NSG2: variants seen among roughly 807,000 people sequenced by gnomAD.
NSG2 encodes the protein neuronal vesicle trafficking associated 2, also known as neuronal vesicle trafficking-associated protein 2.
A neutral mutation model predicts 16.9 loss-of-function variants in NSG2; 4 were observed. The ratio of observed to expected loss-of-function variants is 0.24; its 90% CI spans 0.12 to 0.54. The LOEUF is 0.54. Ranked by LOEUF, NSG2 falls within the 20% of genes least tolerant of loss-of-function variation. The probability of loss-of-function intolerance (pLI) is 0.95; values close to 1 mark genes in which losing one functional copy is unlikely to be tolerated. For synonymous variants in NSG2, 98 were observed against 88.7 expected (o/e 1.11, Z -0.59); for missense variants, 179 against 221.1 (o/e 0.81, Z 1.21).
At chr5:174,060,066 G>A (rs927346719) in intron 2 of NSG2, among the ~76,000 whole-genome samples, 1 of 152,182 alleles carries the variant, frequency 6.6e-6, no homozygotes, top group African/African-American at 2.4e-5. Flanking sequence ...TGAGGCAGGG[G>A]TGGGTTCCCA....
In NSG2 at chr5:174,104,603, G is replaced by C. The variant is rs182187110; in HGVS notation, c.324+265G>C. On this transcript the variant is annotated intron_variant, in intron 4 of 4. Coordinates refer to ENST00000303177, the MANE Select transcript of NSG2 (RefSeq NM_015980.5). ...CGGCACATCAGCAATGAGGGAAGCA[G>C]CTCACTACCTCTTGACATGGACTGT... Among the ~76,000 whole-genome samples, 221 of 152,300 alleles carry C rather than the reference G, an allele frequency of 1.5e-3. 4 individuals carry two copies. Among genetic ancestry groups the C allele is most frequent in the Admixed American group, 0.014 (212 of 15,304 alleles).
chr5:174,051,243 C>T (rs751072202), intron 2 of NSG2, among the ~76,000 whole-genome samples: 16 of 152,178 alleles, frequency 1.1e-4, no homozygotes, highest in Non-Finnish European at 2.4e-4. Context: ...ACACCCAAGT[C>T]CCCCAGTCCT....
intron 3 of NSG2, 150 bp downstream of exon 3, chr5:174,064,465 C>T: frequency 2.0e-6 from 1 of 495,216 alleles, no homozygotes; most frequent in Non-Finnish European, 3.7e-6. Flanking sequence ...ACAGTCTGGC[C>T]ACTGAGTTTA....
chr5:174,056,343 C>T (rs957379028), intron 2 of NSG2: 19 of 152,188 alleles, frequency 1.2e-4, no homozygotes, highest in African/African-American at 4.6e-4. Context: ...GTGTTTGGCA[C>T]AGTGCCAGGC....
chr5:174,055,787 T>C (rs1295636088), intron 2 of NSG2, among the ~76,000 whole-genome samples: 1 of 152,164 alleles, frequency 6.6e-6, no homozygotes, highest in Non-Finnish European at 1.5e-5. Flanking sequence ...GAGACCTGCT[T>C]CCGACTCAGT....
intron 3 of NSG2, among the ~76,000 whole-genome samples, chr5:174,100,539 G>C (rs1760882186): frequency 6.6e-6 from 1 of 152,154 alleles, no homozygotes; most frequent in African/African-American, 2.4e-5. Context: ...GACAACCTAG[G>C]CATCAGCATT....
intron 3 of NSG2, among the ~76,000 whole-genome samples, chr5:174,089,728 G>C (rs1760692654): frequency 6.6e-6 from 1 of 152,092 alleles, no homozygotes; most frequent in African/African-American, 2.4e-5. Flanking sequence ...GATCCTCCCA[G>C]CTCAGCCTCC....
chr5:174,084,712 G>A (rs1760568211), intron 3 of NSG2, among the ~76,000 whole-genome samples: 1 of 152,260 alleles, frequency 6.6e-6, no homozygotes, highest in Non-Finnish European at 1.5e-5. Flanking sequence ...ACCCTCGGTT[G>A]TGAGGCCCCA....
intron 3 of NSG2, among the ~76,000 whole-genome samples, chr5:174,095,780 C>A: frequency 6.6e-6 from 1 of 152,172 alleles, no homozygotes; most frequent in East Asian, 1.9e-4. Flanking sequence ...TTACAATTCC[C>A]CTTTGACAGA....
chr5:174,084,828 G>C (rs1760573988), intron 3 of NSG2, among the ~76,000 whole-genome samples: 1 of 152,226 alleles, frequency 6.6e-6, no homozygotes, highest in South Asian at 2.1e-4. Context: ...AATTTCATTA[G>C]GTTCCAGGCT....
intron 2 of NSG2, among the ~76,000 whole-genome samples, chr5:174,063,528 ATTT>A (rs1206206458): frequency 7.7e-5 from 7 of 90,410 alleles, no homozygotes; most frequent in Non-Finnish European, 1.4e-4. Flanking sequence ...TTTCTATTTT[ATTT>A]TATTTTATTT....
At chr5:174,047,527 G>T (rs746849181) in intron 2 of NSG2, among the ~76,000 whole-genome samples, 11 of 152,210 alleles carry the variant, frequency 7.2e-5, no homozygotes, top group Non-Finnish European at 1.5e-4. Flanking sequence ...TTTTAAAGGT[G>T]AGTAAAAACC....
chr5:174,074,457 C>T lies in NSG2; in HGVS notation c.213+10142C>T, dbSNP rs148533380. On this transcript the variant is annotated intron_variant, in intron 3 of 4. Coordinates refer to ENST00000303177, the MANE Select transcript of NSG2 (RefSeq NM_015980.5). ...GGGCCTCCATCCCAGGTGACGCTGC[C>T]GTAGCTCAGTTGCTCCTCTTGGCTT... is the stretch of plus-strand genomic sequence containing the variant. 1.5e-3 allele frequency among the ~76,000 whole-genome samples: 235 copies of T among 152,176 alleles called. 1 individual carries two copies. Among genetic ancestry groups the T allele is most frequent in the African/African-American group, 5.4e-3 (223 of 41,524 alleles).
chr5:174,093,072 T>C (rs903386134), intron 3 of NSG2, among the ~76,000 whole-genome samples: 16 of 152,332 alleles, frequency 1.1e-4, no homozygotes, highest in Admixed American at 2.0e-4. Context: ...GTCTAACATA[T>C]GGTTAACCAG....
intron 3 of NSG2, among the ~76,000 whole-genome samples, chr5:174,067,765 C>G (rs893029500): frequency 6.6e-5 from 10 of 152,118 alleles, no homozygotes; most frequent in African/African-American, 2.4e-4. Context: ...AGGGTCTGAG[C>G]TGAGTAAGCT....
At chr5:174,063,905 G>A (rs1760098149) in intron 2 of NSG2, among the ~76,000 whole-genome samples, 3 of 152,080 alleles carry the variant, frequency 2.0e-5, no homozygotes, top group African/African-American at 7.2e-5. Flanking sequence ...ATAGTGTTGT[G>A]TGATAAAAGC....
At chr5:174,046,958 C>T (rs1244145657) in intron 2 of NSG2, 74 bp downstream of exon 2, 20 of 1,512,258 alleles carry the variant, frequency 1.3e-5, no homozygotes, top group Non-Finnish European at 1.8e-5. Context: ...CAAAAAATTC[C>T]ACCCCCCAAA....
chr5:174,104,460 G>A, intron 4 of NSG2, 122 bp downstream of exon 4: 1 of 685,636 alleles, frequency 1.5e-6, no homozygotes, highest in Non-Finnish European at 2.5e-6. Flanking sequence ...TGTTTAAAAT[G>A]GAATATGTGT....
chr5:174,106,583 C>CTT lies in NSG2; in HGVS notation c.325-703_325-702dup, dbSNP rs752375646. Among the ~76,000 whole-genome samples, 168 of 93,484 alleles carry CTT rather than the reference C, an allele frequency of 1.8e-3. 23 individuals are homozygous for CTT. Among genetic ancestry groups the CTT allele is most frequent in the African/African-American group, 4.1e-3 (97 of 23,472 alleles). The allele number at this position is 93,484 out of a possible 152,430, so 61.3% of individuals were successfully genotyped here. A position where few individuals can be genotyped will look rare whatever the true frequency, so the allele number is the denominator to read the frequency against. On this transcript the variant is annotated intron_variant, in intron 4 of 4. Transcript: ENST00000303177. ...ACATGAATGTTGTTAGGAATGAAGC[C>CTT]TTTTTTTTTTTTTTTTTTTTTTTTT...
Sources: gnomAD v4.1 joint callset for allele counts (sites outside exome capture counted in the v4.1 genomes callset) on GRCh38, gnomAD v4.1.1 for gene constraint, MANE v1.5 for transcripts, NCBI Gene and HGNC (gene_info 2026-07-23, HGNC 2026-07-21) for gene names.